ABCA8: variants seen among roughly 807,000 people sequenced by gnomAD.
The protein encoded by ABCA8 is ATP binding cassette subfamily A member 8.
ABCA8 carries 177 observed loss-of-function variants against 192.3 expected under a neutral mutation model. That is an observed-to-expected ratio of 0.92 (90% CI 0.81 to 1.04). The LOEUF is 1.04. ABCA8 is among the 50% of genes least tolerant of loss of function. The pLI is 0.00. For missense variants in ABCA8, 1,915 were observed against 1,904.8 expected (o/e 1.01, Z -0.10); for synonymous variants, 642 against 690.2 (o/e 0.93, Z 1.09).
chr17:68,900,867 G>T (rs553943429), intron 21 of ABCA8, among the ~76,000 whole-genome samples: 1 of 152,062 alleles, frequency 6.6e-6, no homozygotes, highest in South Asian at 2.1e-4. Context: ...TGTTCATAAT[G>T]ACAACCCTAA....
rs551642017 is a variant in ABCA8, at chr17:68,904,751, GA to G, written c.2399-1253del. Among the ~76,000 whole-genome samples the G allele has an allele frequency of 2.3e-3, 352 of 152,228 alleles. 2 individuals carry two copies. Among genetic ancestry groups the G allele is most frequent in the African/African-American group, 8.0e-3 (334 of 41,526 alleles). On this transcript the variant is annotated intron_variant, in intron 19 of 39. Transcript: ENST00000586539. The stretch of plus-strand genomic sequence containing the variant: ...AGCAGTAGCTGGGGGCAGATACTCA[GA>G]AAAACGGAGAGAGAAACACAAGAAG...
intron 4 of ABCA8, among the ~76,000 whole-genome samples, chr17:68,939,314 C>T (rs145386813): frequency 1.3e-5 from 2 of 152,250 alleles, no homozygotes; most frequent in Admixed American, 1.3e-4. Context: ...AATAAAAACA[C>T]ACTATGATCC....
At chr17:68,914,075 T>A (rs1489949603) in intron 17 of ABCA8, among the ~76,000 whole-genome samples, 5 of 152,090 alleles carry the variant, frequency 3.3e-5, no homozygotes, top group Non-Finnish European at 7.4e-5. Context: ...CAACTGATGC[T>A]GAAAAAGCAA....
At chr17:68,895,219 G>T (rs532318998) in intron 21 of ABCA8, among the ~76,000 whole-genome samples, 1 of 152,134 alleles carries the variant, frequency 6.6e-6, no homozygotes, top group African/African-American at 2.4e-5. Flanking sequence ...TAATGTAAAA[G>T]ATTTTTTTAG....
chr17:68,902,679 A>T, intron 21 of ABCA8, 34 bp downstream of exon 21: 1 of 1,572,476 alleles, frequency 6.4e-7, no homozygotes, highest in African/African-American at 1.3e-5. Context: ...CTGAACAGTA[A>T]ATGTATTTGG....
At position 68,937,024 on chromosome 17, in the gene ABCA8, A is replaced by G. The variant is rs781308742; in HGVS notation, c.393T>C (p.Asn131=). ...PEEIVRVTFT[N]TYSYHLKFLL... is the part of the protein sequence containing the mutation. Reference sequence around the variant, plus strand: ...AGAACTTCAAATGATATGAGTATGTATTAGTAAAGGTGACTCTTACTATTT... The same window carrying G: ...AGAACTTCAAATGATATGAGTATGTGTTAGTAAAGGTGACTCTTACTATTT... The change falls in exon 5 of 40, where the codon AAT becomes AAC. Residue 131 remains asparagine, a synonymous_variant. Transcript: ENST00000586539. 24 of 1,610,954 alleles carry G rather than the reference A, an allele frequency of 1.5e-5. No homozygotes were observed. Among genetic ancestry groups the G allele is most frequent in the Non-Finnish European group, 1.9e-5 (22 of 1,178,716 alleles).
rs4147989 is a variant in ABCA8 at position 68,919,457 on chromosome 17, G to A, written c.1632C>T (p.Asn544=). ...GGTCAGCCATTTCTGAAAGCTTATT[G>A]TTATAGATGGTGACTGAACCTGTAA... ...VPTKGSVTIY[N]NKLSEMADLE... The change falls in exon 14 of 40, where the codon AAC becomes AAT. Residue 544 remains asparagine (N), a synonymous_variant. Transcript: ENST00000586539. The A allele has an allele frequency of 7.6e-5, 123 of 1,613,550 alleles. No homozygotes were observed. In the East Asian group the frequency reaches 2.7e-3, roughly 35 times the overall value.
intron 37 of ABCA8, 64 bp from the exon 38 acceptor site, chr17:68,869,843 C>T: frequency 9.4e-7 from 1 of 1,059,180 alleles, no homozygotes; most frequent in Non-Finnish European, 1.5e-6. Flanking sequence ...TGATGGCAAT[C>T]ATCTCTCTGG....
intron 9 of ABCA8, among the ~76,000 whole-genome samples, chr17:68,928,808 A>C (rs889034162): frequency 6.6e-6 from 1 of 152,218 alleles, no homozygotes; most frequent in African/African-American, 2.4e-5. Flanking sequence ...CTAAGAAAAT[A>C]CTTTATATTG....
rs2067928635 is a variant in ABCA8 at position 68,932,499 on chromosome 17, A to C, written c.586T>G (p.Ser196Ala). ...ACTGACATCAGCTCCTCCATCACTG[A>C]GTGATTTGTTGTGATCTGAAGAAAG... ...AAIIEITTNH[S>A]VMEELMSVTG... The change falls in exon 7 of 40, where the codon TCA (serine) becomes GCA (alanine). Residue 196 changes from serine to alanine, a missense_variant. By Grantham distance (99) the Ser-to-Ala change is moderately conservative. Transcript: ENST00000586539. The C allele has an allele frequency of 6.2e-7, 1 of 1,612,874 alleles. No individual in the cohort carries two copies. Among genetic ancestry groups the C allele is most frequent in the Admixed American group, 1.7e-5 (1 of 60,002 alleles).
In ABCA8 at chr17:68,881,217, A is replaced by T; in HGVS notation, c.3947-6T>A. 1 of 1,593,670 alleles carries T rather than the reference A, an allele frequency of 6.3e-7. No individual in the cohort carries two copies. The highest frequency in any genetic ancestry group is 8.6e-7 in the Non-Finnish European group (1 of 1,161,588). On this transcript the variant is annotated splice_polypyrimidine_tract_variant and splice_region_variant and intron_variant, in intron 31 of 39. Transcript: ENST00000586539. ...TAATAATCCTAAAACTTCACCTGAA[A>T]AAAAGGTTACACTTAATATTAATCT...
intron 37 of ABCA8, among the ~76,000 whole-genome samples, chr17:68,874,457 TA>T (rs1190279361): frequency 2.0e-5 from 3 of 152,220 alleles, no homozygotes; most frequent in Non-Finnish European, 4.4e-5. Flanking sequence ...ATTTGAAAAT[TA>T]AGAAGATTTA....
intron 24 of ABCA8, among the ~76,000 whole-genome samples, chr17:68,889,861 T>C (rs1165150080): frequency 6.6e-6 from 1 of 152,208 alleles, no homozygotes; most frequent in African/African-American, 2.4e-5. Context: ...GACTCACCTG[T>C]GTTGGTGCAT....
chr17:68,940,912 A>C lies in ABCA8; in HGVS notation c.147T>G (p.His49Gln). The C allele has an allele frequency of 6.2e-7, 1 of 1,612,480 alleles. No homozygotes were observed. ...AAGAAAAATCATTTACTTGATGACT[A>C]TGAGGATATATATACAAACAAAGTA... ...LLLLCLYIYPHSHQVNDFSSL... is the reference protein window; with the variant it reads ...LLLLCLYIYPQSHQVNDFSSL... Residue 49 changes from histidine (H) to glutamine (Q), a missense_variant, in exon 4 of 40, where the codon CAT (histidine) becomes CAG (glutamine). Physicochemically the swap from His to Gln is conservative, Grantham distance 24. Coordinates refer to ENST00000586539, the MANE Select transcript of ABCA8 (RefSeq NM_001288985.2).
chr17:68,915,805 T>C (rs2067342805), intron 17 of ABCA8, among the ~76,000 whole-genome samples: 1 of 152,110 alleles, frequency 6.6e-6, no homozygotes, highest in South Asian at 2.1e-4. Context: ...AATCAATATG[T>C]CAAGGAAATA....
At chr17:68,882,954 A>G (rs559281449) in intron 29 of ABCA8, among the ~76,000 whole-genome samples, 1 of 152,316 alleles carries the variant, frequency 6.6e-6, no homozygotes, top group East Asian at 1.9e-4. Context: ...TCATAGCTCA[A>G]TGAAGTAATT....
chr17:68,920,764 A>AT (rs2067510953), intron 13 of ABCA8, among the ~76,000 whole-genome samples: 1 of 152,120 alleles, frequency 6.6e-6, no homozygotes, highest in Non-Finnish European at 1.5e-5. Context: ...ACTGTAAACG[A>AT]GTTCAACCAT....
rs558584097 is a variant in ABCA8, at chr17:68,867,680, A to G, written c.*405T>C. 2.0e-5 allele frequency: 3 copies of G among 153,216 alleles called. No homozygotes were observed. The South Asian group carries it at 6.2e-4, about 32-fold the overall frequency. The allele number at this position is 153,216 out of a possible 1,614,324, so 9.5% of individuals were successfully genotyped here. A position where few individuals can be genotyped will look rare whatever the true frequency, so the allele number is the denominator to read the frequency against. On this transcript the variant is annotated 3_prime_UTR_variant, in exon 40 of 40. Transcript: ENST00000586539. ...AAATTCTTAGGAAAGTATCAACTTT[A>G]CAAAGTATCATACACCTAGAAAAGT...
chr17:68,943,991 C>T (rs554376600), intron 2 of ABCA8, among the ~76,000 whole-genome samples: 8 of 151,918 alleles, frequency 5.3e-5, no homozygotes, highest in African/African-American at 9.7e-5. Flanking sequence ...AGAATGAGAT[C>T]GTGTCCTTTG....
Sources: gnomAD v4.1 joint callset for allele counts (sites outside exome capture counted in the v4.1 genomes callset) on GRCh38, gnomAD v4.1.1 for gene constraint, MANE v1.5 for transcripts, NCBI Gene and HGNC (gene_info 2026-07-23, HGNC 2026-07-21) for gene names.